CATSPER4: variants seen among roughly 807,000 people sequenced by gnomAD.
The protein encoded by CATSPER4 is cation channel sperm associated 4.
In CATSPER4, 46 loss-of-function variants were observed where a neutral mutation model predicts 54.4. That is an observed-to-expected ratio of 0.84 (90% confidence interval 0.67 to 1.08). CATSPER4 has a LOEUF of 1.08. Among genes scored for constraint, CATSPER4 ranks in the 50% least tolerant of loss-of-function variants. CATSPER4 has a pLI of 0.00. For missense variants in CATSPER4, 574 were observed against 612.8 expected, an observed-to-expected ratio of 0.94 and a Z score of 0.67; for synonymous variants, 230 against 231.9, an observed-to-expected ratio of 0.99 and a Z score of 0.08.
intron 3 of CATSPER4, among the ~76,000 whole-genome samples, chr1:26,195,284 C>T (rs1043319103): frequency 6.6e-6 from 1 of 151,714 alleles, no homozygotes; most frequent in Non-Finnish European, 1.5e-5. Context: ...AAAGGAATAC[C>T]CGAGGTTGAA....
chr1:26,190,763 C>T lies in CATSPER4; in HGVS notation c.136C>T (p.Gln46Ter). Residue 46 changes from glutamine (Q) to a stop codon, truncating the protein, a stop_gained, in exon 1 of 10, where the codon CAG becomes TAG. Transcript: ENST00000456354. LOFTEE classifies it high-confidence loss of function. ...AALRGRPSPL[Q>*]STIHESYGRP... ...ACTGAGGGGCCGCCCCTCTCCCCTG[C>T]AGAGTACCATTCACGAGTCCTACGG... is the stretch of plus-strand genomic sequence containing the variant. 1.2e-6 allele frequency: 2 copies of T among 1,613,530 alleles called. No homozygotes were observed. The highest frequency in any genetic ancestry group is 1.1e-5 in the South Asian group (1 of 90,940).
At chr1:26,199,774 C>T in intron 6 of CATSPER4, 110 bp from the exon 7 acceptor site, 1 of 1,196,296 alleles carries the variant, frequency 8.4e-7, no homozygotes, top group Non-Finnish European at 1.2e-6. Context: ...ACAGCAGTGA[C>T]ACAGGCAGAA....
chr1:26,197,882 G>T, intron 4 of CATSPER4, 75 bp from the exon 5 acceptor site: 1 of 1,609,738 alleles, frequency 6.2e-7, no homozygotes, highest in Non-Finnish European at 8.5e-7. Flanking sequence ...TGCCTCTCTG[G>T]GCAGCTGGTG....
At chr1:26,191,543 C>T in intron 2 of CATSPER4, 113 bp downstream of exon 2, 11 of 1,252,536 alleles carry the variant, frequency 8.8e-6, no homozygotes, top group Non-Finnish European at 1.2e-5. Flanking sequence ...GGATGCTCTT[C>T]AAGGGTCTGT....
chr1:26,193,980 G>C (rs2124524017), intron 3 of CATSPER4, 92 bp downstream of exon 3: 2 of 846,908 alleles, frequency 2.4e-6, no homozygotes, highest in Non-Finnish European at 4.2e-6. Context: ...AACTGAGGGT[G>C]TGAGTATGTG....
chr1:26,200,310 C>A (rs1276737224), intron 7 of CATSPER4, among the ~76,000 whole-genome samples: 2 of 152,084 alleles, frequency 1.3e-5, no homozygotes, highest in Non-Finnish European at 2.9e-5. Flanking sequence ...GGGGCATTTA[C>A]CCACTCTAAG....
chr1:26,197,734 C>T lies in CATSPER4; in HGVS notation c.508C>T (p.Arg170Trp), dbSNP rs144083626. The change falls in exon 4 of 10, where the codon CGG becomes TGG. Residue 170 changes from arginine to tryptophan, a missense_variant. Arg to Trp is a moderately radical substitution (Grantham distance 101). Transcript: ENST00000456354. ...NFIIVFILLLRFFINEINIPS... is the reference protein window; with the variant it reads ...NFIIVFILLLWFFINEINIPS... ...CATTATCGTCTTTATCTTGCTCTTGCGGTTCTTCATTAATGAAATCAATAT... is the reference window on the plus strand; with the variant it reads ...CATTATCGTCTTTATCTTGCTCTTGTGGTTCTTCATTAATGAAATCAATAT... The T allele has an allele frequency of 2.3e-4, 371 of 1,613,904 alleles. 1 individual carries two copies. The East Asian group carries it at 8.1e-3, about 35-fold the overall frequency.
intron 9 of CATSPER4, 72 bp from the exon 10 acceptor site, chr1:26,202,417 G>T: frequency 7.4e-7 from 1 of 1,354,266 alleles, no homozygotes; most frequent in Non-Finnish European, 1.0e-6. Flanking sequence ...GGTGAGACTG[G>T]AGGAGGTGAG....
intron 6 of CATSPER4, 122 bp from the exon 7 acceptor site, chr1:26,199,762 C>A: frequency 9.4e-7 from 1 of 1,061,630 alleles, no homozygotes; most frequent in Non-Finnish European, 1.4e-6. Flanking sequence ...GGGATCTGCA[C>A]AACAGCAGTG....
chr1:26,199,762 C>T (rs1313793192), intron 6 of CATSPER4, 122 bp from the exon 7 acceptor site: 6 of 1,061,514 alleles, frequency 5.7e-6, no homozygotes, highest in Non-Finnish European at 2.8e-6. Context: ...GGGATCTGCA[C>T]AACAGCAGTG....
intron 9 of CATSPER4, 145 bp from the exon 10 acceptor site, chr1:26,202,344 G>T (rs949840465): frequency 1.6e-5 from 12 of 739,954 alleles, no homozygotes; most frequent in Admixed American, 1.0e-4. Context: ...CTCAGAGGGG[G>T]TACTAGGTAG....
chr1:26,200,958 C>A lies in CATSPER4; in HGVS notation c.1116C>A (p.Asn372Lys), dbSNP rs1310449582. The change falls in exon 8 of 10, where the codon AAC (asparagine) becomes AAA (lysine). Residue 372 changes from asparagine to lysine, a missense_variant. Transcript: ENST00000456354. Reference sequence around the variant, plus strand: ...GCCCCCTGTCGAACCTCTCAGAAAACACGTGTGACAACTTTTGCTTGGTGC... The same window carrying A: ...GCCCCCTGTCGAACCTCTCAGAAAAAACGTGTGACAACTTTTGCTTGGTGC... ...AGGPLSNLSE[N>K]TCDNFCLVLE... 7.4e-6 allele frequency: 12 copies of A among 1,614,156 alleles called. No homozygotes were observed. Among genetic ancestry groups the A allele is most frequent in the Non-Finnish European group, 9.3e-6 (11 of 1,180,026 alleles).
intron 9 of CATSPER4, among the ~76,000 whole-genome samples, chr1:26,202,048 ACTTTC>A (rs758973165): frequency 6.6e-6 from 1 of 152,032 alleles, no homozygotes; most frequent in Non-Finnish European, 1.5e-5. Flanking sequence ...TAGGTTCTGC[ACTTTC>A]CTTCTCGGAA....
chr1:26,202,269 CG>C (rs572278171), intron 9 of CATSPER4, among the ~76,000 whole-genome samples: 15 of 152,236 alleles, frequency 9.9e-5, no homozygotes, highest in Admixed American at 2.0e-4. Flanking sequence ...CACACACCCA[CG>C]TTACTTAGTT....
Position 26,198,084 on chromosome 1 carries a change from G to A in CATSPER4, c.678+7G>A. 6.2e-7 allele frequency: 1 copy of A among 1,614,184 alleles called. No homozygotes were observed. The highest frequency in any genetic ancestry group is 8.5e-7 in the Non-Finnish European group (1 of 1,180,030). ...CATCCTCTTCTTCATGCTGGTCAGT[G>A]CCTGCCCCCGCCCCCAGCTGTTTCC... On this transcript the variant is annotated splice_region_variant and intron_variant, in intron 5 of 9. Transcript: ENST00000456354.
chr1:26,190,768 T>C lies in CATSPER4; in HGVS notation c.141T>C (p.Ser47=). Residue 47 remains serine, a synonymous_variant, in exon 1 of 10, where the codon AGT becomes AGC. Transcript: ENST00000456354. ...ALRGRPSPLQ[S]TIHESYGRPE... ...GGGGCCGCCCCTCTCCCCTGCAGAG[T>C]ACCATTCACGAGTCCTACGGTCGGC... is the stretch of plus-strand genomic sequence containing the variant. The C allele has an allele frequency of 6.2e-7, 1 of 1,613,270 alleles. No homozygotes were observed. Among genetic ancestry groups the C allele is most frequent in the Non-Finnish European group, 8.5e-7 (1 of 1,179,822 alleles).
chr1:26,201,901 G>A (rs1176052128), intron 9 of CATSPER4, among the ~76,000 whole-genome samples: 2 of 152,008 alleles, frequency 1.3e-5, no homozygotes, highest in Non-Finnish European at 1.5e-5. Flanking sequence ...ATCTTGGCCA[G>A]GCTGGTCTTG....
intron 2 of CATSPER4, among the ~76,000 whole-genome samples, chr1:26,192,886 C>T (rs1290317770): frequency 6.6e-6 from 1 of 151,868 alleles, no homozygotes; most frequent in East Asian, 2.0e-4. Flanking sequence ...AGGCAGATCA[C>T]TTGAGGTCAA....
chr1:26,197,832 G>A, intron 4 of CATSPER4, 49 bp downstream of exon 4: 1 of 1,607,808 alleles, frequency 6.2e-7, no homozygotes, highest in South Asian at 1.1e-5. Context: ...TGGAACCCAG[G>A]AATGAGATGG....
Sources: gnomAD v4.1 joint callset for allele counts (sites outside exome capture counted in the v4.1 genomes callset) on GRCh38, gnomAD v4.1.1 for gene constraint, MANE v1.5 for transcripts, NCBI Gene and HGNC (gene_info 2026-07-23, HGNC 2026-07-21) for gene names.